The following LAMA2 variants were observed in gnomAD, a reference collection of about 807,000 sequenced individuals.
The protein encoded by LAMA2 is laminin subunit alpha 2.
Under a neutral mutation model 364.8 loss-of-function variants are expected in LAMA2, and 269 were observed. The ratio of observed to expected loss-of-function variants is 0.74; its 90% CI spans 0.67 to 0.82. LAMA2 has a LOEUF of 0.82. Among genes scored for constraint, LAMA2 ranks in the 40% least tolerant of loss-of-function variants. The pLI, the probability that LAMA2 is intolerant of heterozygous loss-of-function variation, is 0.00. For missense variants in LAMA2, 3,807 were observed against 3,873.2 expected (o/e 0.98, Z 0.45); for synonymous variants, 1,379 against 1,370.6 (o/e 1.01, Z -0.14).
chr6:128,953,203 AT>A (rs1350916216), intron 1 of LAMA2, among the ~76,000 whole-genome samples: 2 of 152,168 alleles, frequency 1.3e-5, no homozygotes, highest in Non-Finnish European at 2.9e-5. Flanking sequence ...ATTGAAGTCC[AT>A]GCTTCTTCCG....
intron 32 of LAMA2, among the ~76,000 whole-genome samples, chr6:129,354,395 TGA>T (rs1175273798): frequency 2.0e-5 from 3 of 152,026 alleles, no homozygotes; most frequent in Admixed American, 1.3e-4. Flanking sequence ...TGAAGGTAGG[TGA>T]GAGGGGAGAG....
intron 37 of LAMA2, among the ~76,000 whole-genome samples, chr6:129,398,581 T>G (rs13216380): frequency 0.19 from 28,585 of 150,942 alleles, 3,271 homozygotes; most frequent in East Asian, 0.33. Context: ...GTCAAGTGAT[T>G]CTCCTGCCTC....
chr6:129,211,199 A>C (rs1394008993), intron 12 of LAMA2, among the ~76,000 whole-genome samples: 1 of 152,210 alleles, frequency 6.6e-6, no homozygotes, highest in East Asian at 1.9e-4. Context: ...AATTGAAAAG[A>C]AAATAATTGC....
intron 40 of LAMA2, among the ~76,000 whole-genome samples, chr6:129,411,543 T>A (rs1562539707): frequency 6.6e-6 from 1 of 152,152 alleles, no homozygotes. Flanking sequence ...TTCCCAGTGT[T>A]CATTCCTAAT....
At position 129,300,827 on chromosome 6, in the gene LAMA2, A is replaced by G. The variant is rs772541077; in HGVS notation, c.3129A>G (p.Lys1043=). 1.2e-6 allele frequency: 2 copies of G among 1,613,844 alleles called. No homozygotes were observed. Among genetic ancestry groups the G allele is most frequent in the South Asian group, 2.2e-5 (2 of 91,072 alleles). Reference sequence around the variant, plus strand: ...ATACCATTGGAGAGAAATGTTCTAAATGTGCACCCAATACCTGGGGCCACA... The same window carrying G: ...ATACCATTGGAGAGAAATGTTCTAAGTGTGCACCCAATACCTGGGGCCACA... The part of the protein sequence containing the change: ...PPNTIGEKCS[K]CAPNTWGHSI... Residue 1043 remains lysine, a synonymous_variant, in exon 22 of 65, where the codon AAA becomes AAG. Transcript: ENST00000421865.
At chr6:129,388,952 A>T (rs1280521203) in intron 35 of LAMA2, among the ~76,000 whole-genome samples, 1 of 152,156 alleles carries the variant, frequency 6.6e-6, no homozygotes, top group Non-Finnish European at 1.5e-5. Flanking sequence ...ACATTTAATC[A>T]TTGGTACTCT....
intron 35 of LAMA2, among the ~76,000 whole-genome samples, chr6:129,383,850 A>G (rs1468859543): frequency 6.6e-6 from 1 of 152,220 alleles, no homozygotes; most frequent in Non-Finnish European, 1.5e-5. Flanking sequence ...TCGCCCCCCA[A>G]AAAAACCTAG....
chr6:129,370,028 A>T, intron 34 of LAMA2, 38 bp downstream of exon 34: 2 of 1,520,346 alleles, frequency 1.3e-6, no homozygotes, highest in Non-Finnish European at 1.8e-6. Flanking sequence ...GAAAGCAGAT[A>T]GATTATGTCA....
intron 19 of LAMA2, among the ~76,000 whole-genome samples, chr6:129,288,791 C>T (rs957916998): frequency 1.7e-4 from 26 of 152,138 alleles, no homozygotes; most frequent in African/African-American, 5.6e-4. Context: ...GATCTTGTTG[C>T]AGAAGATCAA....
chr6:129,402,559 T>A, intron 39 of LAMA2, 72 bp downstream of exon 39: 1 of 1,406,696 alleles, frequency 7.1e-7, no homozygotes, highest in Non-Finnish European at 1.0e-6. Context: ...GCATAAATAG[T>A]AGAGAATCAT....
intron 47 of LAMA2, among the ~76,000 whole-genome samples, chr6:129,454,812 A>G (rs9398905): frequency 0.15 from 22,790 of 152,148 alleles, 1,801 homozygotes; most frequent in East Asian, 0.21. Context: ...AATTATCAAC[A>G]TCTAGTACCA....
At chr6:129,345,829 G>A (rs1012237803) in intron 30 of LAMA2, among the ~76,000 whole-genome samples, 31 of 152,200 alleles carry the variant, frequency 2.0e-4, no homozygotes, top group African/African-American at 4.6e-4. Flanking sequence ...AGCTTGGGAC[G>A]TATTAGGCTA....
rs148607737 is a variant in LAMA2 at position 129,050,056 on chromosome 6, G to C, written c.251G>C (p.Arg84Pro). Residue 84 changes from arginine (R) to proline (P), a missense_variant, in exon 2 of 65, where the codon CGA (arginine) becomes CCA (proline). Transcript: ENST00000421865. ...PGQPVRNPQC[R>P]ICNQNSSNPN... is the part of the protein sequence containing the mutation. ...CAGCCTGTGAGGAACCCGCAGTGTC[G>C]AATCTGCAATCAAAACAGCAGCAAT... 18 of 1,614,038 alleles carry C rather than the reference G, an allele frequency of 1.1e-5. No homozygotes were observed. In the Admixed American group the frequency reaches 1.3e-4, roughly 12 times the overall value.
Position 129,482,436 on chromosome 6 carries a change from C to T in LAMA2, c.7749+997C>T, listed in dbSNP as rs138033631. 4.4e-3 allele frequency among the ~76,000 whole-genome samples: 669 copies of T among 152,234 alleles called. 8 individuals are homozygous for T. Among genetic ancestry groups the T allele is most frequent in the Middle Eastern group, 0.014 (4 of 294 alleles). On this transcript the variant is annotated intron_variant, in intron 55 of 64. Coordinates refer to ENST00000421865, the MANE Select transcript of LAMA2 (RefSeq NM_000426.4). ...ATATCTTCAATCACATTTTTTAAAA[C>T]GTAATTTTCCATTTAATCTAGTTTT...
chr6:129,435,067 T>C (rs1042431947), intron 41 of LAMA2, among the ~76,000 whole-genome samples: 1 of 152,146 alleles, frequency 6.6e-6, no homozygotes, highest in Non-Finnish European at 1.5e-5. Flanking sequence ...AAAAATATTC[T>C]TCAGGTCAGT....
At chr6:129,115,770 T>C (rs1776439324) in intron 4 of LAMA2, among the ~76,000 whole-genome samples, 1 of 152,102 alleles carries the variant, frequency 6.6e-6, no homozygotes, top group South Asian at 2.1e-4. Context: ...CTTAGGTAAC[T>C]CTTTGAAGTT....
At chr6:129,202,503 G>A (rs1189085140) in intron 12 of LAMA2, among the ~76,000 whole-genome samples, 2 of 152,208 alleles carry the variant, frequency 1.3e-5, no homozygotes, top group Middle Eastern at 3.4e-3. Context: ...TGGAAGCAGA[G>A]AGCAAGCCCT....
intron 4 of LAMA2, among the ~76,000 whole-genome samples, chr6:129,140,842 A>G (rs1163764861): frequency 6.6e-6 from 1 of 152,082 alleles, no homozygotes; most frequent in Non-Finnish European, 1.5e-5. Context: ...AACTATATTC[A>G]CAAGATCTCT....
chr6:129,086,678 C>A (rs965009991), intron 3 of LAMA2, among the ~76,000 whole-genome samples: 2 of 152,204 alleles, frequency 1.3e-5, no homozygotes, highest in African/African-American at 4.8e-5. Context: ...TGAAGTAGCA[C>A]AAATTACCTA....
Sources: gnomAD v4.1 joint callset for allele counts (sites outside exome capture counted in the v4.1 genomes callset) on GRCh38, gnomAD v4.1.1 for gene constraint, MANE v1.5 for transcripts, NCBI Gene and HGNC (gene_info 2026-07-23, HGNC 2026-07-21) for gene names.